The following NAF1 variants were observed in gnomAD, a reference collection of about 807,000 sequenced individuals.
The protein encoded by NAF1 is H/ACA ribonucleoprotein complex non-core subunit NAF1.
NAF1 carries 11 observed loss-of-function variants against 40.6 expected under a neutral mutation model. The observed-to-expected ratio is 0.27, with a 90% CI of 0.17 to 0.45. The LOEUF is 0.45. NAF1 is among the 20% of genes least tolerant of loss of function. The probability of loss-of-function intolerance (pLI) is 1.00; values close to 1 mark genes in which losing one functional copy is unlikely to be tolerated. For missense variants in NAF1, 607 were observed against 611.1 expected, an observed-to-expected ratio of 0.99 and a Z score of 0.07; for synonymous variants, 260 against 228.5, an observed-to-expected ratio of 1.14 and a Z score of -1.24.
intron 4 of NAF1, chr4:163,143,965 C>T (rs2110951795): frequency 1.1e-6 from 1 of 918,276 alleles, no homozygotes; most frequent in East Asian, 1.2e-4. Flanking sequence ...ATTACTGTAT[C>T]ATAAGTTACC....
intron 7 of NAF1, among the ~76,000 whole-genome samples, chr4:163,132,293 T>A (rs886478912): frequency 1.3e-5 from 2 of 152,210 alleles, no homozygotes; most frequent in Non-Finnish European, 1.5e-5. Flanking sequence ...TTATTCCTAA[T>A]AACCCCAAAA....
At chr4:163,107,421 C>CTGT (rs1200737303), downstream of NAF1, among the ~76,000 whole-genome samples, 4 of 152,358 alleles carry the variant, frequency 2.6e-5, no homozygotes, top group African/African-American at 9.6e-5. Flanking sequence ...CTCTTTCACT[C>CTGT]TGTGTCCAGG....
At chr4:163,111,413 CTATTT>C (rs1730155905) in intron 2 of NAF1, among the ~76,000 whole-genome samples, 1 of 152,106 alleles carries the variant, frequency 6.6e-6, no homozygotes, top group Non-Finnish European at 1.5e-5. Flanking sequence ...TATTGTTCTT[CTATTT>C]TGTTTTGAAA....
Position 163,153,504 on chromosome 4 carries a change from G to C in NAF1, c.541-5070C>G, listed in dbSNP as rs530879542. Among the ~76,000 whole-genome samples, 465 of 149,404 alleles carry C rather than the reference G, an allele frequency of 3.1e-3. 6 individuals carry two copies. The highest frequency in any genetic ancestry group is 3.1e-4 in the Non-Finnish European group (21 of 67,298). The stretch of plus-strand genomic sequence containing the variant: ...TTGTAAATACACCAATCGGCACTCT[G>C]TATCTAGCTCAAGGTTTGTAAACAC... On this transcript the variant is annotated intron_variant, in intron 2 of 7. Coordinates refer to ENST00000274054, the MANE Select transcript of NAF1 (RefSeq NM_138386.3).
chr4:163,107,701 T>C (rs189429290), downstream of NAF1, among the ~76,000 whole-genome samples: 1 of 152,198 alleles, frequency 6.6e-6, no homozygotes, highest in Non-Finnish European at 1.5e-5. Flanking sequence ...AAGATTTTTT[T>C]AATAAATGGA....
downstream of NAF1, among the ~76,000 whole-genome samples, chr4:163,125,653 C>A (rs917071614): frequency 6.6e-6 from 1 of 152,276 alleles, no homozygotes; most frequent in Middle Eastern, 3.4e-3. Context: ...CATAAAAGTG[C>A]AAGATGAAGC....
At chr4:163,111,506 C>T (rs1305483546) in intron 2 of NAF1, among the ~76,000 whole-genome samples, 1 of 152,046 alleles carries the variant, frequency 6.6e-6, no homozygotes, top group Admixed American at 6.6e-5. Flanking sequence ...GCAGAAATGT[C>T]CAGTGGCGCA....
chr4:163,156,466 G>C (rs34763640), intron 2 of NAF1, among the ~76,000 whole-genome samples: 269 of 150,320 alleles, frequency 1.8e-3, no homozygotes, highest in Non-Finnish European at 2.6e-3. Flanking sequence ...TTTTTGTTTT[G>C]TTTACTCAAT....
At chr4:163,158,186 T>A (rs953005558) in intron 2 of NAF1, 2 of 152,078 alleles carry the variant, frequency 1.3e-5, no homozygotes, top group Admixed American at 6.6e-5. Context: ...ACTTTTCTCA[T>A]ATTACCCAAC....
chr4:163,125,611 A>G (rs1730634005), downstream of NAF1, among the ~76,000 whole-genome samples: 1 of 152,228 alleles, frequency 6.6e-6, no homozygotes, highest in South Asian at 2.1e-4. Context: ...AGGTTGGCTC[A>G]TGAGGTTTAA....
intron 5 of NAF1, among the ~76,000 whole-genome samples, 153 bp downstream of exon 5, chr4:163,140,070 A>C (rs1179837894): frequency 3.3e-5 from 5 of 152,150 alleles, no homozygotes; most frequent in Admixed American, 3.3e-4. Flanking sequence ...AAATCTGAAA[A>C]TAAATTGTAG....
downstream of NAF1, among the ~76,000 whole-genome samples, chr4:163,106,287 C>T (rs1016722362): frequency 2.6e-5 from 4 of 152,180 alleles, no homozygotes; most frequent in African/African-American, 7.2e-5. Flanking sequence ...GTATGCCAAA[C>T]ATCCTCAGAA....
chr4:163,132,412 T>C (rs2110890903), intron 7 of NAF1, among the ~76,000 whole-genome samples: 1 of 152,350 alleles, frequency 6.6e-6, no homozygotes, highest in Non-Finnish European at 1.5e-5. Context: ...TATTGATACA[T>C]GCAATAATGT....
At chr4:163,150,312 CAAAGT>C (rs1014275359) in intron 2 of NAF1, among the ~76,000 whole-genome samples, 9 of 152,052 alleles carry the variant, frequency 5.9e-5, no homozygotes, top group Non-Finnish European at 1.0e-4. Flanking sequence ...TGGAAGGATA[CAAAGT>C]AAAAAGTGAA....
At chr4:163,104,658 CTAAT>C in the NAF1 span, among the ~76,000 whole-genome samples, 2 of 152,192 alleles carry the variant, frequency 1.3e-5, no homozygotes, top group Admixed American at 6.5e-5. Context: ...ACTGAACTCA[CTAAT>C]TAGCCGGTCA....
At chr4:163,138,566 C>A (rs546406443) in intron 5 of NAF1, among the ~76,000 whole-genome samples, 3 of 152,232 alleles carry the variant, frequency 2.0e-5, no homozygotes, top group African/African-American at 7.2e-5. Flanking sequence ...TGGAAAGGAG[C>A]TGAACTTCTC....
intron 2 of NAF1, among the ~76,000 whole-genome samples, chr4:163,150,574 C>A (rs114044291): frequency 0.043 from 6,615 of 152,122 alleles, 182 homozygotes; most frequent in Middle Eastern, 0.068. Context: ...TTAGGATATT[C>A]CACTTTTATC....
In NAF1 at chr4:163,140,230, GT is replaced by G. The variant is rs761371604; in HGVS notation, c.870del (p.Lys290AsnfsTer2). 2 of 1,589,912 alleles carry G rather than the reference GT, an allele frequency of 1.3e-6. No individual in the cohort carries two copies. Among genetic ancestry groups the G allele is most frequent in the Non-Finnish European group, 1.7e-6 (2 of 1,172,744 alleles). ...TGCCGGTAAAGTACTTACTGTTTTA[GT>G]TTTTCTGTGAATATATATTGAGTGA... ...KDFTQYIFTE[K>X]LKQDKGSDAS... On this transcript the variant is annotated frameshift_variant, in exon 5 of 8. Transcript: ENST00000274054. LOFTEE classifies it high-confidence loss of function.
chr4:163,145,923 G>C, intron 3 of NAF1, 59 bp from the exon 4 acceptor site: 1 of 881,338 alleles, frequency 1.1e-6, no homozygotes, highest in Non-Finnish European at 1.7e-6. Flanking sequence ...GAATTTTAAT[G>C]AAAATCTAAG....
Sources: allele counts gnomAD v4.1 joint callset (sites outside exome capture counted in the v4.1 genomes callset), GRCh38; gene constraint gnomAD v4.1.1; transcripts MANE v1.5; gene names NCBI Gene and HGNC (gene_info 2026-07-23, HGNC 2026-07-21).